The following MINDY4 variants were observed in gnomAD, a reference collection of about 807,000 sequenced individuals.
MINDY4 encodes the protein MINDY lysine 48 deubiquitinase 4.
MINDY4 carries 68 observed loss-of-function variants against 87.0 expected under a neutral mutation model. The observed-to-expected ratio is 0.78, with a 90% CI of 0.64 to 0.96. MINDY4 has a LOEUF of 0.96. MINDY4 is among the 40% of genes least tolerant of loss of function. MINDY4 has a pLI of 0.00. For missense variants in MINDY4, 919 were observed against 928.2 expected, an observed-to-expected ratio of 0.99 and a Z score of 0.13; for synonymous variants, 379 against 363.2, an observed-to-expected ratio of 1.04 and a Z score of -0.50.
At chr7:30,796,360 G>A (rs1787489581) in intron 5 of MINDY4, among the ~76,000 whole-genome samples, 1 of 152,160 alleles carries the variant, frequency 6.6e-6, no homozygotes, top group African/African-American at 2.4e-5. Flanking sequence ...GGGGCCTGCT[G>A]TGGTGAGTCC....
At chr7:30,791,715 A>T (rs1218988092) in intron 5 of MINDY4, 141 bp downstream of exon 5, 1 of 846,336 alleles carries the variant, frequency 1.2e-6, no homozygotes, top group Non-Finnish European at 1.7e-6. Context: ...CCGGCAAGGT[A>T]GAGTTTGTTA....
chr7:30,857,036 G>C (rs1584322304), intron 12 of MINDY4, among the ~76,000 whole-genome samples: 2 of 152,322 alleles, frequency 1.3e-5, no homozygotes, highest in African/African-American at 2.4e-5. Context: ...TGAGATCACA[G>C]AATGAAGACG....
At chr7:30,789,117 C>T (rs1287349832) in intron 4 of MINDY4, among the ~76,000 whole-genome samples, 1 of 152,076 alleles carries the variant, frequency 6.6e-6, no homozygotes, top group Non-Finnish European at 1.5e-5. Flanking sequence ...GTTTTGAATT[C>T]CCTAAAAGGA....
At chr7:30,786,220 G>A (rs1355090840) in intron 4 of MINDY4, 1 of 554,050 alleles carries the variant, frequency 1.8e-6, no homozygotes, top group Non-Finnish European at 3.2e-6. Flanking sequence ...CATTTTGTTT[G>A]TGAGGTGGAT....
chr7:30,876,735 A>C (rs1202818438), intron 15 of MINDY4, among the ~76,000 whole-genome samples: 2 of 152,072 alleles, frequency 1.3e-5, no homozygotes, highest in Non-Finnish European at 2.9e-5. Flanking sequence ...GGTTGTCCTG[A>C]GGGGCAGCAG....
Position 30,882,171 on chromosome 7 carries a change from C to G in MINDY4, c.1972-10C>G, listed in dbSNP as rs373105216. 2 of 1,600,272 alleles carry G rather than the reference C, an allele frequency of 1.2e-6. No individual in the cohort carries two copies. The highest frequency in any genetic ancestry group is 1.7e-6 in the Non-Finnish European group (2 of 1,170,162). On this transcript the variant is annotated splice_polypyrimidine_tract_variant and intron_variant, in intron 15 of 17. Coordinates refer to ENST00000265299, the MANE Select transcript of MINDY4 (RefSeq NM_032222.3). ...GACGGCATTTCACATCAGGCCTCTC[C>G]CTCATCCAGGTTGGCTGCTTCCTGA...
intron 4 of MINDY4, among the ~76,000 whole-genome samples, chr7:30,787,693 G>A (rs1787195793): frequency 6.6e-6 from 1 of 152,174 alleles, no homozygotes. Context: ...CAGTGGAAAA[G>A]GTTGTTTTGG....
At chr7:30,867,716 G>A (rs1562560437) in intron 13 of MINDY4, among the ~76,000 whole-genome samples, 1 of 152,204 alleles carries the variant, frequency 6.6e-6, no homozygotes, top group Non-Finnish European at 1.5e-5. Flanking sequence ...GGGAAGTGTG[G>A]TCAAGGGTCA....
chr7:30,884,996 G>C (rs1048668932), intron 17 of MINDY4, among the ~76,000 whole-genome samples: 24 of 152,238 alleles, frequency 1.6e-4, no homozygotes, highest in Non-Finnish European at 4.4e-5. Flanking sequence ...AAGCAGAGAG[G>C]CTGCATGATT....
At chr7:30,834,489 T>C (rs1275149464) in intron 6 of MINDY4, among the ~76,000 whole-genome samples, 2 of 152,226 alleles carry the variant, frequency 1.3e-5, no homozygotes, top group African/African-American at 4.8e-5. Context: ...CTCCTAGGCC[T>C]CCGGGTCTGT....
intron 5 of MINDY4, among the ~76,000 whole-genome samples, chr7:30,794,326 A>C (rs1787414161): frequency 6.6e-6 from 1 of 152,158 alleles, no homozygotes; most frequent in Admixed American, 6.5e-5. Context: ...ATGTGCACAT[A>C]TAATTCTTCT....
At position 30,785,268 on chromosome 7, in the gene MINDY4, TGACACACA is replaced by T. The variant is rs1159194550; in HGVS notation, c.420-480_420-473del. Reference sequence around the variant, plus strand: ...CTCTCTTACTTCCTCTCTCTCTCTCTGACACACACACACACACACACACACACACACAC... The same window carrying T: ...CTCTCTTACTTCCTCTCTCTCTCTCTCACACACACACACACACACACACAC... On this transcript the variant is annotated intron_variant, in intron 3 of 17. Coordinates refer to ENST00000265299, the MANE Select transcript of MINDY4 (RefSeq NM_032222.3). Among the ~76,000 whole-genome samples, 221 of 85,620 alleles carry T rather than the reference TGACACACA, an allele frequency of 2.6e-3. 1 individual carries two copies. Among genetic ancestry groups the T allele is most frequent in the African/African-American group, 0.018 (208 of 11,810 alleles). 56.2% of individuals were successfully genotyped at this position (85,620 alleles called of 152,430 possible).
chr7:30,883,055 G>A (rs1325926986), intron 17 of MINDY4, 62 bp downstream of exon 17: 4 of 1,548,130 alleles, frequency 2.6e-6, no homozygotes, highest in Non-Finnish European at 2.7e-6. Context: ...AGCCATGGTT[G>A]GGGGTGGTCA....
intron 5 of MINDY4, among the ~76,000 whole-genome samples, chr7:30,802,045 G>GA (rs11371567): frequency 0.6 from 91,788 of 151,940 alleles, 29,702 homozygotes; most frequent in African/African-American, 0.85. Flanking sequence ...GGAAGTTGTT[G>GA]GGCTCTGAGA....
At position 30,892,322 on chromosome 7, in the gene MINDY4, A is replaced by G. The variant is rs910171099; in HGVS notation, c.*317A>G. ...GGGTGGTCCCTCACCCAGGCCTCCA[A>G]TGTGGTTGGCCCTGGGGACTCATTA... On this transcript the variant is annotated 3_prime_UTR_variant, in exon 18 of 18. Coordinates refer to ENST00000265299, the MANE Select transcript of MINDY4 (RefSeq NM_032222.3). 16 of 369,696 alleles carry G rather than the reference A, an allele frequency of 4.3e-5. No homozygotes were observed. Among genetic ancestry groups the G allele is most frequent in the Middle Eastern group, 7.1e-4 (1 of 1,408 alleles). The allele number at this position is 369,696 out of a possible 1,614,324, so 22.9% of individuals were successfully genotyped here.
rs1318286737 is a variant in MINDY4, at chr7:30,884,151, A to T, written c.2225+1158A>T. On this transcript the variant is annotated intron_variant, in intron 17 of 17. Coordinates refer to ENST00000265299, the MANE Select transcript of MINDY4 (RefSeq NM_032222.3). Reference sequence around the variant, plus strand: ...TTACTGCCTGAGATCCAGGGGGCACAGCAAGCTTAGGGTTGATGCCCACCA... The same window carrying T: ...TTACTGCCTGAGATCCAGGGGGCACTGCAAGCTTAGGGTTGATGCCCACCA... Among the ~76,000 whole-genome samples the T allele has an allele frequency of 3.3e-5, 5 of 152,272 alleles. No individual in the cohort carries two copies. The East Asian group carries it at 9.7e-4, about 29-fold the overall frequency.
chr7:30,882,440 A>G, intron 16 of MINDY4, 79 bp downstream of exon 16: 1 of 1,200,758 alleles, frequency 8.3e-7, no homozygotes, highest in South Asian at 1.6e-5. Context: ...CAGCCTTCCT[A>G]TCCACCACCA....
intron 13 of MINDY4, among the ~76,000 whole-genome samples, chr7:30,868,877 G>A (rs1790016891): frequency 6.6e-6 from 1 of 152,210 alleles, no homozygotes; most frequent in African/African-American, 2.4e-5. Context: ...CTTTGGTTCA[G>A]GGTTCTGACC....
chr7:30,834,086 C>T lies in MINDY4; in HGVS notation c.1133-2572C>T, dbSNP rs148167334. Among the ~76,000 whole-genome samples, 561 of 152,332 alleles carry T rather than the reference C, an allele frequency of 3.7e-3. 7 individuals are homozygous for T. The highest frequency in any genetic ancestry group is 0.013 in the African/African-American group (540 of 41,572). ...CATTCTGGGGTCTGGAGGACAGTAG[C>T]CCTCTTCTCACAGCTCCACTAGGTG... On this transcript the variant is annotated intron_variant, in intron 6 of 17. Coordinates refer to ENST00000265299, the MANE Select transcript of MINDY4 (RefSeq NM_032222.3).
Sources: gnomAD v4.1 joint callset for allele counts (sites outside exome capture counted in the v4.1 genomes callset) on GRCh38, gnomAD v4.1.1 for gene constraint, MANE v1.5 for transcripts, NCBI Gene and HGNC (gene_info 2026-07-23, HGNC 2026-07-21) for gene names.